Variants in NSUN7 observed in about 807,000 individuals in gnomAD.
NSUN7 encodes NOP2/Sun RNA methyltransferase family member 7.
Under a neutral mutation model 58.5 loss-of-function variants are expected in NSUN7, and 39 were observed. That is an observed-to-expected ratio of 0.67 (90% CI 0.52 to 0.87). NSUN7 has a LOEUF of 0.87. Ranked by LOEUF, NSUN7 falls within the 40% of genes least tolerant of loss-of-function variation. The pLI, the probability that NSUN7 is intolerant of heterozygous loss-of-function variation, is 0.00. For synonymous variants in NSUN7, 278 were observed against 303.7 expected (o/e 0.92, Z 0.88); for missense variants, 765 against 844.1 (o/e 0.91, Z 1.16).
At chr4:40,780,202 C>T (rs1040343903) in intron 7 of NSUN7, among the ~76,000 whole-genome samples, 1 of 152,244 alleles carries the variant, frequency 6.6e-6, no homozygotes, top group East Asian at 1.9e-4. Context: ...ATCACTTGAA[C>T]CCCAGACGCA....
intron 4 of NSUN7, among the ~76,000 whole-genome samples, chr4:40,773,956 G>A (rs1176602435): frequency 3.3e-5 from 5 of 151,880 alleles, no homozygotes; most frequent in Non-Finnish European, 4.4e-5. Context: ...CCGCCACCAC[G>A]CCCGGCTAAT....
intron 7 of NSUN7, among the ~76,000 whole-genome samples, chr4:40,778,415 C>T (rs970548736): frequency 2.0e-5 from 3 of 152,174 alleles, no homozygotes; most frequent in African/African-American, 7.2e-5. Context: ...AAAATCCTAA[C>T]CCCCGAAGTG....
At chr4:40,788,540 T>G (rs906829987) in intron 7 of NSUN7, among the ~76,000 whole-genome samples, 6 of 152,178 alleles carry the variant, frequency 3.9e-5, no homozygotes. Flanking sequence ...TCCTGCCTTG[T>G]GATGCTGGAA....
chr4:40,766,642 G>T (rs1240955714), intron 4 of NSUN7, among the ~76,000 whole-genome samples: 2 of 152,198 alleles, frequency 1.3e-5, no homozygotes, highest in East Asian at 3.8e-4. Flanking sequence ...GTTTGGAATA[G>T]TTTCAGAAGG....
intron 4 of NSUN7, among the ~76,000 whole-genome samples, chr4:40,770,338 A>G (rs945374237): frequency 3.9e-5 from 6 of 152,138 alleles, no homozygotes; most frequent in Admixed American, 3.9e-4. Flanking sequence ...ACAAATCTAG[A>G]TGGTATAACC....
chr4:40,760,264 T>G (rs1436599721), intron 2 of NSUN7, among the ~76,000 whole-genome samples, 170 bp from the exon 3 acceptor site: 1 of 152,196 alleles, frequency 6.6e-6, no homozygotes, highest in East Asian at 1.9e-4. Context: ...TTCATAAAGA[T>G]TATAAATATT....
chr4:40,778,012 T>C (rs1433627401), intron 7 of NSUN7, among the ~76,000 whole-genome samples: 1 of 152,202 alleles, frequency 6.6e-6, no homozygotes, highest in Non-Finnish European at 1.5e-5. Context: ...AAAAGAAAGT[T>C]CTAGAACTGA....
At chr4:40,783,589 T>G (rs992778637) in intron 7 of NSUN7, among the ~76,000 whole-genome samples, 1 of 152,198 alleles carries the variant, frequency 6.6e-6, no homozygotes, top group Non-Finnish European at 1.5e-5. Context: ...GGCTCATGCC[T>G]GTAATCTCAG....
At chr4:40,754,189 G>A (rs769621845) in intron 2 of NSUN7, among the ~76,000 whole-genome samples, 2 of 144,794 alleles carry the variant, frequency 1.4e-5, no homozygotes, top group Non-Finnish European at 3.0e-5. Context: ...TGTCACCCAC[G>A]CTGGAGTGCA....
Position 40,794,475 on chromosome 4 carries a change from A to G in NSUN7, c.1281A>G (p.Lys427=), listed in dbSNP as rs138870535. The G allele has an allele frequency of 1.1e-4, 183 of 1,592,986 alleles. 1 individual carries two copies. The African/African-American group carries it at 2.0e-3, about 17-fold the overall frequency. The change falls in exon 9 of 12, where the codon AAA becomes AAG. Residue 427 remains lysine (K), a splice_region_variant and synonymous_variant. Transcript: ENST00000381782. ...QQYEQLTHAM[K]FTKAQAVVYC... ...ATGAACAGCTAACACATGCAATGAAATGTAAGGTTGTCATAGGCACCATCT... is the reference window on the plus strand; with the variant it reads ...ATGAACAGCTAACACATGCAATGAAGTGTAAGGTTGTCATAGGCACCATCT...
Position 40,776,252 on chromosome 4 carries a change from A to G in NSUN7, c.1029A>G (p.Gly343=). The part of the protein sequence containing the change: ...PDLKTLFTKI[G]CKNIEILHEK... ...TGAAGACCCTTTTCACAAAAATAGG[A>G]TGTAAAAGTATGTAAAAATATTTCT... is the stretch of plus-strand genomic sequence containing the variant. Residue 343 remains glycine, a synonymous_variant, in exon 7 of 12, where the codon GGA becomes GGG. Coordinates refer to ENST00000381782, the MANE Select transcript of NSUN7 (RefSeq NM_024677.6). 6.4e-7 allele frequency: 1 copy of G among 1,561,500 alleles called. No homozygotes were observed. The highest frequency in any genetic ancestry group is 8.7e-7 in the Non-Finnish European group (1 of 1,151,548).
intron 10 of NSUN7, 41 bp downstream of exon 10, chr4:40,798,945 A>AT (rs1560563735): frequency 3.0e-6 from 3 of 1,013,148 alleles, no homozygotes; most frequent in Non-Finnish European, 4.4e-6. Flanking sequence ...TCAAACAAAT[A>AT]TTTTTTAAAA....
chr4:40,791,595 C>A (rs1289929772), intron 8 of NSUN7, among the ~76,000 whole-genome samples: 3 of 151,980 alleles, frequency 2.0e-5, no homozygotes, highest in Admixed American at 6.6e-5. Flanking sequence ...TTATATTGCT[C>A]CAAATTAAAT....
At position 40,810,077 on chromosome 4, in the gene NSUN7, TTACA is replaced by T. The variant is rs1350901197; in HGVS notation, c.*1141_*1144del. On this transcript the variant is annotated 3_prime_UTR_variant, in exon 12 of 12. Transcript: ENST00000381782. ...TTTGCAATTCAGTTGTATAGAAATGTTACATAAATTCCTAAATGCTCAATTCAGG... is the reference window on the plus strand; with the variant it reads ...TTTGCAATTCAGTTGTATAGAAATGTTAAATTCCTAAATGCTCAATTCAGG... 1.3e-5 allele frequency: 2 copies of T among 152,226 alleles called. No individual in the cohort carries two copies. Among genetic ancestry groups the T allele is most frequent in the African/African-American group, 2.4e-5 (1 of 41,464 alleles). 9.4% of individuals were successfully genotyped at this position (152,226 alleles called of 1,614,324 possible). A position where few individuals can be genotyped will look rare whatever the true frequency, so the allele number is the denominator to read the frequency against.
At chr4:40,756,629 T>G (rs1741157246) in intron 2 of NSUN7, among the ~76,000 whole-genome samples, 1 of 152,232 alleles carries the variant, frequency 6.6e-6, no homozygotes, top group African/African-American at 2.4e-5. Flanking sequence ...CTCCTTGATC[T>G]GCTACTTGCT....
At chr4:40,756,008 C>T (rs1299973152) in intron 2 of NSUN7, among the ~76,000 whole-genome samples, 1 of 152,004 alleles carries the variant, frequency 6.6e-6, no homozygotes, top group Non-Finnish European at 1.5e-5. Flanking sequence ...AAGGTGCAGT[C>T]GTGTGGCTGG....
intron 3 of NSUN7, among the ~76,000 whole-genome samples, chr4:40,760,818 C>T (rs112405308): frequency 7.5e-5 from 11 of 147,000 alleles, no homozygotes; most frequent in African/African-American, 2.8e-4. Flanking sequence ...AGCTAGATTG[C>T]GCCATTGCAC....
intron 7 of NSUN7, among the ~76,000 whole-genome samples, chr4:40,789,999 C>A (rs977060750): frequency 6.6e-6 from 1 of 151,248 alleles, no homozygotes. Context: ...TGTTTTACAC[C>A]AGTTTGTATG....
At chr4:40,766,811 G>A (rs1327625805) in intron 4 of NSUN7, among the ~76,000 whole-genome samples, 3 of 151,142 alleles carry the variant, frequency 2.0e-5, no homozygotes, top group African/African-American at 4.9e-5. Context: ...TTAGTCTTGG[G>A]AGAGTGTATG....
Sources: allele counts gnomAD v4.1 joint callset (sites outside exome capture counted in the v4.1 genomes callset), GRCh38; gene constraint gnomAD v4.1.1; transcripts MANE v1.5; gene names NCBI Gene and HGNC (gene_info 2026-07-23, HGNC 2026-07-21).